The following EYS variants were observed in gnomAD, a reference collection of about 807,000 sequenced individuals.
EYS encodes the protein EGF-like photoreceptor maintenance factor.
Under a neutral mutation model 282.1 loss-of-function variants are expected in EYS, and 250 were observed. The ratio of observed to expected loss-of-function variants is 0.89; its 90% CI spans 0.80 to 0.98. The LOEUF is 0.98. EYS is among the 50% of genes least tolerant of loss of function. The pLI is 0.00. For missense variants in EYS, 4,016 were observed against 3,709.0 expected (o/e 1.08, Z -2.15); for synonymous variants, 1,355 against 1,282.9 (o/e 1.06, Z -1.20).
rs149551560 is a variant in EYS, at chr6:64,895,644, T to A, written c.2846+6469A>T. ...GAACAGCAATAGAGAAATAGACATA[T>A]CCATATGTGGAAACGTGATCTGCAA... is the stretch of plus-strand genomic sequence containing the variant. On this transcript the variant is annotated intron_variant, in intron 18 of 42. Transcript: ENST00000503581. 5.9e-5 allele frequency among the ~76,000 whole-genome samples: 9 copies of A among 152,236 alleles called. No individual in the cohort carries two copies. The East Asian group carries it at 1.7e-3, about 29-fold the overall frequency.
chr6:64,018,770 T>G (rs1011294989), intron 33 of EYS, among the ~76,000 whole-genome samples: 2 of 117,024 alleles, frequency 1.7e-5, no homozygotes, highest in South Asian at 3.0e-4. Context: ...TTTTTTTTTT[T>G]TTTTTTTTTT....
intron 22 of EYS, among the ~76,000 whole-genome samples, chr6:64,803,206 G>C (rs189732391): frequency 1.4e-3 from 218 of 152,256 alleles, no homozygotes; most frequent in African/African-American, 4.9e-3. Context: ...GACCCAGAGT[G>C]GGTAGCTCCT....
intron 5 of EYS, among the ~76,000 whole-genome samples, chr6:65,440,378 A>T (rs76121449): frequency 5.7e-5 from 4 of 70,150 alleles, no homozygotes; most frequent in Non-Finnish European, 1.6e-4. Context: ...AACCTTCAAT[A>T]AAAAAAAAAA....
chr6:63,978,605 A>C (rs1347639220), intron 35 of EYS, among the ~76,000 whole-genome samples: 1 of 151,960 alleles, frequency 6.6e-6, no homozygotes, highest in African/African-American at 2.4e-5. Flanking sequence ...GATACAGAGT[A>C]AAAACTAAAA....
chr6:64,581,639 C>A (rs767653207), intron 26 of EYS, among the ~76,000 whole-genome samples: 1 of 152,018 alleles, frequency 6.6e-6, no homozygotes, highest in African/African-American at 2.4e-5. Context: ...ATGGTTCATA[C>A]GTGCATGTTA....
At chr6:64,939,450 A>G (rs546211545) in intron 15 of EYS, among the ~76,000 whole-genome samples, 1 of 152,090 alleles carries the variant, frequency 6.6e-6, no homozygotes, top group East Asian at 1.9e-4. Flanking sequence ...AAGACTGATT[A>G]TGTATCATGA....
At chr6:63,797,872 A>G (rs1376000597) in intron 37 of EYS, 1 of 152,224 alleles carries the variant, frequency 6.6e-6, no homozygotes, top group African/African-American at 2.4e-5. Flanking sequence ...TGCTCAGAGA[A>G]TATGAAAATG....
At chr6:64,986,224 A>G (rs1424215323) in intron 14 of EYS, among the ~76,000 whole-genome samples, 1 of 151,560 alleles carries the variant, frequency 6.6e-6, no homozygotes, top group Non-Finnish European at 1.5e-5. Context: ...CTTTTATCAG[A>G]AGGTGCCAGG....
At chr6:65,645,933 T>C (rs1027036118) in intron 1 of EYS, among the ~76,000 whole-genome samples, 3 of 152,132 alleles carry the variant, frequency 2.0e-5, no homozygotes, top group African/African-American at 4.8e-5. Flanking sequence ...CTAGAGGAGA[T>C]GGTTAAATTC....
intron 26 of EYS, among the ~76,000 whole-genome samples, chr6:64,559,465 AAT>A (rs778068709): frequency 1.4e-4 from 22 of 152,188 alleles, no homozygotes; most frequent in Non-Finnish European, 2.8e-4. Context: ...TTCTTGTTGC[AAT>A]GTCAATTATT....
At chr6:63,780,008 TGTCCTTGGGATA>T (rs1386119828) in intron 39 of EYS, among the ~76,000 whole-genome samples, 1 of 152,244 alleles carries the variant, frequency 6.6e-6, no homozygotes, top group Non-Finnish European at 1.5e-5. Flanking sequence ...TTTGGTTTTC[TGTCCTTGGGATA>T]GTATGCTCAG....
At chr6:65,350,132 A>C (rs1381974538) in intron 9 of EYS, among the ~76,000 whole-genome samples, 1 of 151,410 alleles carries the variant, frequency 6.6e-6, no homozygotes. Flanking sequence ...TTTTTTTAAT[A>C]CTCAGATTTT....
At chr6:64,461,229 A>G (rs1775734062) in intron 26 of EYS, among the ~76,000 whole-genome samples, 1 of 152,258 alleles carries the variant, frequency 6.6e-6, no homozygotes, top group South Asian at 2.1e-4. Context: ...TTGGTTATCT[A>G]AAAATCTATG....
intron 26 of EYS, among the ~76,000 whole-genome samples, chr6:64,581,453 TG>T (rs1397124834): frequency 1.3e-5 from 2 of 152,186 alleles, no homozygotes; most frequent in African/African-American, 4.8e-5. Context: ...CTTTGTTTTA[TG>T]GTCTTTATCT....
chr6:63,947,853 G>T (rs1398712869), intron 35 of EYS, among the ~76,000 whole-genome samples: 2 of 152,100 alleles, frequency 1.3e-5, no homozygotes, highest in Non-Finnish European at 2.9e-5. Flanking sequence ...TTATTGTTGT[G>T]AAAACAGAGC....
At chr6:64,128,374 C>G (rs769941484) in intron 31 of EYS, among the ~76,000 whole-genome samples, 1 of 152,138 alleles carries the variant, frequency 6.6e-6, no homozygotes, top group Non-Finnish European at 1.5e-5. Context: ...GCTGTGACTT[C>G]TTAATTTTCT....
At chr6:64,937,129 C>T (rs1433476148) in intron 15 of EYS, among the ~76,000 whole-genome samples, 3 of 151,366 alleles carry the variant, frequency 2.0e-5, no homozygotes, top group Admixed American at 2.0e-4. Context: ...CCTCACACCA[C>T]ACACATAAAA....
intron 22 of EYS, among the ~76,000 whole-genome samples, chr6:64,804,706 A>T (rs970953926): frequency 1.3e-5 from 2 of 152,182 alleles, no homozygotes; most frequent in Admixed American, 6.5e-5. Flanking sequence ...TTTAAACCGT[A>T]GAAAATTATT....
At chr6:64,305,121 T>A (rs1769390816) in intron 30 of EYS, among the ~76,000 whole-genome samples, 1 of 152,198 alleles carries the variant, frequency 6.6e-6, no homozygotes, top group Admixed American at 6.5e-5. Flanking sequence ...TTGATGATAT[T>A]GTAAATAAAA....
Sources: gnomAD v4.1 joint callset for allele counts (sites outside exome capture counted in the v4.1 genomes callset) on GRCh38, gnomAD v4.1.1 for gene constraint, MANE v1.5 for transcripts, NCBI Gene and HGNC (gene_info 2026-07-23, HGNC 2026-07-21) for gene names.